PDGFD: variants seen among roughly 807,000 people sequenced by gnomAD.
PDGFD encodes the protein platelet derived growth factor D.
In PDGFD, 30 loss-of-function variants were observed where a neutral mutation model predicts 44.7. The ratio of observed to expected loss-of-function variants is 0.67; its 90% CI spans 0.50 to 0.91. PDGFD has a LOEUF of 0.91. Among genes scored for constraint, PDGFD ranks in the 40% least tolerant of loss-of-function variants. The pLI is 0.00. For synonymous variants in PDGFD, 173 were observed against 168.4 expected (o/e 1.03, Z -0.21); for missense variants, 445 against 457.8 (o/e 0.97, Z 0.25).
intron 1 of PDGFD, among the ~76,000 whole-genome samples, chr11:104,074,238 C>T (rs573117425): frequency 6.6e-6 from 1 of 152,304 alleles, no homozygotes; most frequent in East Asian, 1.9e-4. Flanking sequence ...ACAGTAAAGC[C>T]AGCACAGATT....
chr11:103,996,905 C>G (rs1370773543), intron 2 of PDGFD, among the ~76,000 whole-genome samples: 1 of 152,174 alleles, frequency 6.6e-6, no homozygotes, highest in Admixed American at 6.5e-5. Context: ...TGTGAATGAG[C>G]TTAAGACCAT....
chr11:103,996,452 C>T (rs11828775), intron 2 of PDGFD, among the ~76,000 whole-genome samples: 9,117 of 152,102 alleles, frequency 0.06, 358 homozygotes, highest in Non-Finnish European at 0.089. Flanking sequence ...CTGAGAAAAC[C>T]TTTACATACA....
chr11:104,093,211 ACATTT>A (rs1861235060), intron 1 of PDGFD, among the ~76,000 whole-genome samples: 1 of 152,076 alleles, frequency 6.6e-6, no homozygotes, highest in African/African-American at 2.4e-5. Flanking sequence ...ATGAAAAGTT[ACATTT>A]TACTGATCAA....
At chr11:104,012,078 G>C (rs1220131179) in intron 1 of PDGFD, among the ~76,000 whole-genome samples, 1 of 152,118 alleles carries the variant, frequency 6.6e-6, no homozygotes, top group Non-Finnish European at 1.5e-5. Flanking sequence ...TTATGATGAT[G>C]ATAAATAGCT....
At chr11:103,983,299 G>C (rs1234143630) in intron 3 of PDGFD, among the ~76,000 whole-genome samples, 1 of 151,710 alleles carries the variant, frequency 6.6e-6, no homozygotes, top group Non-Finnish European at 1.5e-5. Flanking sequence ...TGACAAACCT[G>C]ACAAAAATAG....
rs1035522912 is a variant in PDGFD, at chr11:103,909,298, A to G, written c.*396T>C. The G allele has an allele frequency of 1.9e-5, 3 of 154,510 alleles. No homozygotes were observed. The highest frequency in any genetic ancestry group is 1.9e-4 in the Admixed American group (3 of 15,512). The allele number at this position is 154,510 out of a possible 1,614,324, so 9.6% of individuals were successfully genotyped here. A position where few individuals can be genotyped will look rare whatever the true frequency, so the allele number is the denominator to read the frequency against. On this transcript the variant is annotated 3_prime_UTR_variant, in exon 7 of 7. Transcript: ENST00000393158. ...TTTATCTCCTAAATTTTCTAAAGAC[A>G]TGTTTCATATATTTGACCATCCCTT... is the stretch of plus-strand genomic sequence containing the variant.
chr11:103,939,214 A>C (rs2134319860), intron 5 of PDGFD, among the ~76,000 whole-genome samples: 1 of 152,122 alleles, frequency 6.6e-6, no homozygotes, highest in East Asian at 1.9e-4. Context: ...ATTTCTTTGT[A>C]TCCTCTTTTA....
chr11:103,914,913 A>T (rs1224613223), intron 6 of PDGFD, among the ~76,000 whole-genome samples: 2 of 152,232 alleles, frequency 1.3e-5, no homozygotes, highest in Non-Finnish European at 1.5e-5. Context: ...CATGCTAAAA[A>T]TTCTCAGTAA....
intron 3 of PDGFD, among the ~76,000 whole-genome samples, chr11:103,985,058 A>AATATC (rs1565302847): frequency 8.2e-6 from 1 of 121,632 alleles, no homozygotes; most frequent in African/African-American, 3.2e-5. Flanking sequence ...TTTAATATAT[A>AATATC]TTAATTTATT....
intron 1 of PDGFD, among the ~76,000 whole-genome samples, chr11:104,143,023 AT>A (rs1369479775): frequency 6.6e-6 from 1 of 152,174 alleles, no homozygotes; most frequent in Non-Finnish European, 1.5e-5. Context: ...TCACTGAAAA[AT>A]GGAGGCCTGG....
At chr11:104,023,714 G>T (rs145514002) in intron 1 of PDGFD, among the ~76,000 whole-genome samples, 318 of 152,152 alleles carry the variant, frequency 2.1e-3, no homozygotes, top group Non-Finnish European at 3.6e-3. Context: ...GATTTGCTCA[G>T]CATTTTTCTT....
intron 1 of PDGFD, among the ~76,000 whole-genome samples, chr11:104,029,569 G>A (rs1352748144): frequency 6.6e-6 from 1 of 152,064 alleles, no homozygotes; most frequent in Non-Finnish European, 1.5e-5. Context: ...ATGTTGTTAT[G>A]GTACATTTTT....
chr11:103,910,149 C>G (rs181249053), intron 6 of PDGFD, among the ~76,000 whole-genome samples: 2 of 152,210 alleles, frequency 1.3e-5, no homozygotes, highest in East Asian at 3.9e-4. Context: ...CAAATATTAT[C>G]GTAAAGATCC....
At chr11:104,029,258 A>G (rs1860090285) in intron 1 of PDGFD, among the ~76,000 whole-genome samples, 2 of 152,224 alleles carry the variant, frequency 1.3e-5, no homozygotes, top group African/African-American at 4.8e-5. Flanking sequence ...TCTTCTATAC[A>G]GGCTGCTAAA....
intron 1 of PDGFD, among the ~76,000 whole-genome samples, chr11:104,116,715 A>T (rs991278168): frequency 4.6e-5 from 7 of 152,016 alleles, no homozygotes; most frequent in Non-Finnish European, 8.8e-5. Context: ...CCCAAATCTC[A>T]ACTTCTAGAA....
At chr11:104,096,286 C>T (rs1014281419) in intron 1 of PDGFD, among the ~76,000 whole-genome samples, 1 of 151,570 alleles carries the variant, frequency 6.6e-6, no homozygotes, top group Non-Finnish European at 1.5e-5. Context: ...ATAGCTATCA[C>T]AACATGGCTA....
chr11:104,021,972 A>AT (rs1711614963), intron 1 of PDGFD, among the ~76,000 whole-genome samples: 1 of 152,166 alleles, frequency 6.6e-6, no homozygotes, highest in South Asian at 2.1e-4. Flanking sequence ...TAAGAATCCC[A>AT]TCAGGACTCT....
intron 1 of PDGFD, among the ~76,000 whole-genome samples, chr11:104,100,896 T>C (rs117477836): frequency 0.055 from 8,378 of 152,020 alleles, 352 homozygotes; most frequent in African/African-American, 0.12. Context: ...TGACAAAATT[T>C]TACAACCCTT....
At chr11:103,945,978 A>G (rs1429020432) in intron 4 of PDGFD, 1 of 152,224 alleles carries the variant, frequency 6.6e-6, no homozygotes, top group African/African-American at 2.4e-5. Flanking sequence ...TAAGACTACA[A>G]GAACATTTTG....
Sources: allele counts gnomAD v4.1 joint callset (sites outside exome capture counted in the v4.1 genomes callset), GRCh38; gene constraint gnomAD v4.1.1; transcripts MANE v1.5; gene names NCBI Gene and HGNC (gene_info 2026-07-23, HGNC 2026-07-21).